The following ATF2 variants were observed in gnomAD, a reference collection of about 807,000 sequenced individuals.
The protein encoded by ATF2 is activating transcription factor 2.
Under a neutral mutation model 60.6 loss-of-function variants are expected in ATF2, and 24 were observed. The ratio of observed to expected loss-of-function variants is 0.40; its 90% CI spans 0.29 to 0.56. ATF2 has a LOEUF of 0.56. ATF2 is among the 20% of genes least tolerant of loss of function. The probability of loss-of-function intolerance (pLI) is 0.54; values close to 1 mark genes in which losing one functional copy is unlikely to be tolerated. For missense variants in ATF2, 433 were observed against 607.7 expected, an observed-to-expected ratio of 0.71 and a Z score of 3.02; for synonymous variants, 206 against 215.4, an observed-to-expected ratio of 0.96 and a Z score of 0.38.
At chr2:175,110,813 C>T (rs909457067) in intron 10 of ATF2, among the ~76,000 whole-genome samples, 5 of 152,066 alleles carry the variant, frequency 3.3e-5, no homozygotes, top group Non-Finnish European at 5.9e-5. Flanking sequence ...ACCATGTTGG[C>T]CAGGTTGCTC....
Position 175,132,967 on chromosome 2 carries a change from T to A in ATF2, c.33-2760A>T, listed in dbSNP as rs1193297426. Among the ~76,000 whole-genome samples, 3 of 151,862 alleles carry A rather than the reference T, an allele frequency of 2.0e-5. No individual in the cohort carries two copies. In the East Asian group the frequency reaches 5.8e-4, roughly 29 times the overall value. On this transcript the variant is annotated intron_variant, in intron 3 of 13. Transcript: ENST00000264110. ...TGGGCATGGTGGCACACACCTGTAGTCCCAGCTACTTGAGAGAGGCTGAGG... is the reference window on the plus strand; with the variant it reads ...TGGGCATGGTGGCACACACCTGTAGACCCAGCTACTTGAGAGAGGCTGAGG...
intron 2 of ATF2, among the ~76,000 whole-genome samples, chr2:175,145,963 C>T (rs960386786): frequency 3.3e-5 from 5 of 152,034 alleles, no homozygotes; most frequent in African/African-American, 9.7e-5. Flanking sequence ...CCCTATACAG[C>T]TTAATTACTA....
chr2:175,098,681 C>T (rs1489510933), intron 10 of ATF2, among the ~76,000 whole-genome samples: 2 of 152,154 alleles, frequency 1.3e-5, no homozygotes, highest in Non-Finnish European at 2.9e-5. Flanking sequence ...TTCCTTTCTT[C>T]CTTCCCTGAG....
chr2:175,111,532 T>C, intron 10 of ATF2, 36 bp downstream of exon 10: 1 of 1,545,474 alleles, frequency 6.5e-7, no homozygotes, highest in Non-Finnish European at 8.9e-7. Flanking sequence ...CAAAACAGCC[T>C]CAAGCAATGT....
At chr2:175,157,165 T>C (rs1699739317) in intron 1 of ATF2, among the ~76,000 whole-genome samples, 1 of 152,208 alleles carries the variant, frequency 6.6e-6, no homozygotes, top group African/African-American at 2.4e-5. Context: ...TTCATTGTCT[T>C]TGGTAAAACT....
At chr2:175,113,800 GTTT>G (rs751318765) in intron 9 of ATF2, among the ~76,000 whole-genome samples, 191 bp downstream of exon 9, 16 of 151,632 alleles carry the variant, frequency 1.1e-4, no homozygotes, top group Admixed American at 3.9e-4. Flanking sequence ...AAAAATTAAG[GTTT>G]TGGGGAGAAG....
intron 1 of ATF2, among the ~76,000 whole-genome samples, chr2:175,166,419 G>A (rs1700354282): frequency 3.3e-5 from 5 of 152,058 alleles, no homozygotes; most frequent in Admixed American, 3.3e-4. Context: ...TAACTATTAC[G>A]CAACTACTGA....
At chr2:175,110,281 G>C (rs967606105) in intron 10 of ATF2, among the ~76,000 whole-genome samples, 1 of 152,088 alleles carries the variant, frequency 6.6e-6, no homozygotes, top group African/African-American at 2.4e-5. Context: ...GTTGCAGTGA[G>C]CTGAGATTGT....
intron 2 of ATF2, among the ~76,000 whole-genome samples, chr2:175,144,784 C>T (rs1173314165): frequency 1.3e-5 from 2 of 152,096 alleles, no homozygotes; most frequent in Admixed American, 1.3e-4. Flanking sequence ...GCTGTCAATG[C>T]CCAAGTGGGC....
intron 4 of ATF2, 137 bp from the exon 5 acceptor site, chr2:175,121,677 CGTTATT>C (rs1324985636): frequency 1.0e-5 from 6 of 597,462 alleles, no homozygotes; most frequent in Non-Finnish European, 1.4e-5. Flanking sequence ...TAAAAGAATC[CGTTATT>C]GTTAGTAGAT....
rs1440341011 is a variant in ATF2 at position 175,162,161 on chromosome 2, T to C, written c.-143+5889A>G. 5.9e-5 allele frequency among the ~76,000 whole-genome samples: 9 copies of C among 152,338 alleles called. No individual in the cohort carries two copies. The East Asian group carries it at 1.7e-3, about 29-fold the overall frequency. ...ATTGTTACCAGTCTGTCAAAAGTTTTGGTAAACTTTAAAAGAAACAAAGAC... is the reference window on the plus strand; with the variant it reads ...ATTGTTACCAGTCTGTCAAAAGTTTCGGTAAACTTTAAAAGAAACAAAGAC... On this transcript the variant is annotated intron_variant, in intron 1 of 13. Coordinates refer to ENST00000264110, the MANE Select transcript of ATF2 (RefSeq NM_001880.4).
intron 1 of ATF2, among the ~76,000 whole-genome samples, chr2:175,152,178 T>A (rs901881332): frequency 2.0e-5 from 3 of 152,160 alleles, no homozygotes; most frequent in African/African-American, 7.2e-5. Context: ...TCCAGATACC[T>A]CATGGAGATG....
At chr2:175,160,797 T>C (rs1432336654) in intron 1 of ATF2, among the ~76,000 whole-genome samples, 1 of 152,080 alleles carries the variant, frequency 6.6e-6, no homozygotes, top group African/African-American at 2.4e-5. Context: ...TCCCAGCACT[T>C]TGTGATACTG....
At position 175,163,918 on chromosome 2, in the gene ATF2, C is replaced by CAAA. The variant is rs1176905315; in HGVS notation, c.-143+4129_-143+4131dup. On this transcript the variant is annotated intron_variant, in intron 1 of 13. Transcript: ENST00000264110. ...CCTGGGTGACATAGCAACTCCGTCTCAAAAAAAAAAAAAAGAAAAGTGAAA... is the reference window on the plus strand; with the variant it reads ...CCTGGGTGACATAGCAACTCCGTCTCAAAAAAAAAAAAAAAAAGAAAAGTGAAA... Among the ~76,000 whole-genome samples the CAAA allele has an allele frequency of 2.7e-3, 81 of 30,320 alleles. 9 individuals are homozygous for CAAA. The highest frequency in any genetic ancestry group is 0.019 in the Middle Eastern group (1 of 54). 19.9% of individuals were successfully genotyped at this position (30,320 alleles called of 152,430 possible). A position where few individuals can be genotyped will look rare whatever the true frequency, so the allele number is the denominator to read the frequency against.
intron 2 of ATF2, among the ~76,000 whole-genome samples, chr2:175,141,055 A>G (rs1158745274): frequency 3.9e-5 from 5 of 129,164 alleles, no homozygotes; most frequent in African/African-American, 8.6e-5. Context: ...ATATATATGT[A>G]TATATATATG....
At chr2:175,086,601 G>T (rs535877248) in intron 12 of ATF2, among the ~76,000 whole-genome samples, 1 of 152,164 alleles carries the variant, frequency 6.6e-6, no homozygotes, top group East Asian at 1.9e-4. Flanking sequence ...TAGAGATGGG[G>T]TTTCACCATG....
intron 4 of ATF2, among the ~76,000 whole-genome samples, chr2:175,126,051 C>T (rs1227016925): frequency 6.6e-6 from 1 of 152,136 alleles, no homozygotes; most frequent in Non-Finnish European, 1.5e-5. Context: ...TCTGGTTCTT[C>T]CCATTCTCTC....
chr2:175,127,926 TAA>T (rs1265928097), intron 4 of ATF2, among the ~76,000 whole-genome samples: 3 of 152,098 alleles, frequency 2.0e-5, no homozygotes, highest in African/African-American at 7.2e-5. Flanking sequence ...GACTAAAACT[TAA>T]GAGACTAACC....
chr2:175,104,735 A>G (rs1258639827), intron 10 of ATF2, among the ~76,000 whole-genome samples: 1 of 152,222 alleles, frequency 6.6e-6, no homozygotes, highest in African/African-American at 2.4e-5. Context: ...ACTGAAGCTT[A>G]AAAAAGTAAA....
Sources: allele counts gnomAD v4.1 joint callset (sites outside exome capture counted in the v4.1 genomes callset), GRCh38; gene constraint gnomAD v4.1.1; transcripts MANE v1.5; gene names NCBI Gene and HGNC (gene_info 2026-07-23, HGNC 2026-07-21).